Variants in SAMD12 observed in about 807,000 individuals in gnomAD.
The protein encoded by SAMD12 is sterile alpha motif domain-containing protein 12.
SAMD12 carries 9 observed loss-of-function variants against 15.0 expected under a neutral mutation model. The ratio of observed to expected loss-of-function variants is 0.60; its 90% confidence interval spans 0.36 to 1.05. The LOEUF (loss-of-function observed/expected upper bound fraction) is 1.05, where lower values mean the gene tolerates loss of function less well. Ranked by LOEUF, SAMD12 falls within the 50% of genes least tolerant of loss-of-function variation. SAMD12 has a pLI of 0.01. For missense variants in SAMD12, 230 were observed against 234.2 expected, an observed-to-expected ratio of 0.98 and a Z score of 0.12; for synonymous variants, 86 against 90.1, an observed-to-expected ratio of 0.96 and a Z score of 0.25.
chr8:118,580,042 A>C lies in SAMD12; in HGVS notation c.192+673T>G, dbSNP rs559844947. 1.8e-4 allele frequency among the ~76,000 whole-genome samples: 27 copies of C among 152,294 alleles called. No homozygotes were observed. The South Asian group carries it at 5.4e-3, about 30-fold the overall frequency. On this transcript the variant is annotated intron_variant, in intron 2 of 3. Coordinates refer to ENST00000314727, the MANE Select transcript of SAMD12 (RefSeq NM_207506.3). The stretch of plus-strand genomic sequence containing the variant: ...TGTCAGTTCTCTGTTACCTATGTTT[A>C]GGTTAAAGACTGAAAAGAACTAAGC...
rs1000995460 is a variant in SAMD12, at chr8:118,421,049, A to G, written c.322+18783T>C. ...GTCCTTTACAAAAAAAGTTTGCCTA[A>G]ACCCAGTTTAGAAGAATCCTCCTAA... On this transcript the variant is annotated intron_variant, in intron 3 of 3. Coordinates refer to ENST00000314727, the MANE Select transcript of SAMD12 (RefSeq NM_207506.3). 6.6e-5 allele frequency among the ~76,000 whole-genome samples: 10 copies of G among 152,230 alleles called. No individual in the cohort carries two copies. The East Asian group carries it at 1.9e-3, about 29-fold the overall frequency.
intron 2 of SAMD12, among the ~76,000 whole-genome samples, chr8:118,498,536 T>C (rs1824692001): frequency 1.3e-5 from 2 of 152,228 alleles, no homozygotes; most frequent in Admixed American, 1.3e-4. Flanking sequence ...ACTGCACCCC[T>C]TTCTTCTTCC....
chr8:118,167,065 C>G, the SAMD12 span, among the ~76,000 whole-genome samples: 3 of 152,136 alleles, frequency 2.0e-5, no homozygotes, highest in Admixed American at 6.5e-5. Context: ...AGTGGGTACT[C>G]TTCCCTGCCT....
intron 4 of SAMD12, among the ~76,000 whole-genome samples, chr8:118,329,184 C>T (rs1816699572): frequency 6.6e-6 from 1 of 152,120 alleles, no homozygotes; most frequent in Non-Finnish European, 1.5e-5. Context: ...GAACATGGTA[C>T]TCTGCAGAAA....
chr8:118,444,007 C>A (rs116811191), intron 2 of SAMD12, among the ~76,000 whole-genome samples: 1 of 152,194 alleles, frequency 6.6e-6, no homozygotes, highest in African/African-American at 2.4e-5. Flanking sequence ...TCGACCGCCT[C>A]GTCTCCTTTC....
At chr8:118,303,456 G>A (rs1009147639) in intron 4 of SAMD12, among the ~76,000 whole-genome samples, 2 of 152,166 alleles carry the variant, frequency 1.3e-5, no homozygotes, top group African/African-American at 4.8e-5. Context: ...CCGGAAGAAA[G>A]AACATGCAGC....
intron 4 of SAMD12, among the ~76,000 whole-genome samples, chr8:118,293,349 A>C (rs921581637): frequency 1.3e-5 from 2 of 152,258 alleles, no homozygotes; most frequent in African/African-American, 2.4e-5. Flanking sequence ...CTGATGATTC[A>C]TGATGACTGA....
At chr8:118,596,259 C>A (rs547054162) in intron 1 of SAMD12, among the ~76,000 whole-genome samples, 10 of 152,300 alleles carry the variant, frequency 6.6e-5, no homozygotes, top group African/African-American at 2.4e-4. Context: ...ACAGCCAATA[C>A]ACCTGCCAGG....
chr8:118,422,199 A>G (rs1014357235), intron 3 of SAMD12, among the ~76,000 whole-genome samples: 1 of 152,238 alleles, frequency 6.6e-6, no homozygotes, highest in African/African-American at 2.4e-5. Context: ...TTAAATGCCT[A>G]CTTTATGCCA....
intron 1 of SAMD12, among the ~76,000 whole-genome samples, chr8:118,608,421 C>T (rs1465553161): frequency 1.3e-5 from 2 of 152,064 alleles, no homozygotes; most frequent in African/African-American, 4.8e-5. Flanking sequence ...AGCAGTCATC[C>T]TTTTCTTACA....
At chr8:118,414,276 T>C (rs1343781591) in intron 3 of SAMD12, among the ~76,000 whole-genome samples, 1 of 152,224 alleles carries the variant, frequency 6.6e-6, no homozygotes, top group East Asian at 1.9e-4. Context: ...CCATAACAAG[T>C]GTTACTCTGC....
At chr8:118,184,781 G>A (rs1384976901), downstream of SAMD12, among the ~76,000 whole-genome samples, 3 of 152,140 alleles carry the variant, frequency 2.0e-5, no homozygotes, top group South Asian at 4.1e-4. Context: ...ACAGGCATGA[G>A]CCTGCTAAGC....
At position 118,219,136 on chromosome 8, in the gene SAMD12, G is replaced by A. The variant is rs536165433; in HGVS notation, c.434-21404C>T. ...TCACCTCACCTCACTCTTTTTTTAC[G>A]TTTGCCTGAACCTTGTAGGCATCTG... On this transcript the variant is annotated intron_variant, in intron 4 of 4. Coordinates refer to the SAMD12 transcript ENST00000409003. 8.5e-5 allele frequency among the ~76,000 whole-genome samples: 13 copies of A among 152,076 alleles called. No homozygotes were observed. In the East Asian group the frequency reaches 1.5e-3, roughly 18 times the overall value.
chr8:118,328,708 A>G (rs1816674375), intron 4 of SAMD12, among the ~76,000 whole-genome samples: 1 of 152,174 alleles, frequency 6.6e-6, no homozygotes, highest in Non-Finnish European at 1.5e-5. Flanking sequence ...TGCCCTTGAC[A>G]TCAACAGTGA....
At chr8:118,618,166 A>C (rs772389634) in intron 1 of SAMD12, among the ~76,000 whole-genome samples, 5 of 152,188 alleles carry the variant, frequency 3.3e-5, no homozygotes, top group Non-Finnish European at 7.3e-5. Context: ...GGTCACAAGC[A>C]GACTAGGAGA....
rs187527554 is a variant in SAMD12, at chr8:118,428,769, A to C, written c.322+11063T>G. ...CATATATGTGTGAGTATATTTATGG[A>C]ATTTCTATTTTGTTCTACTATTATA... On this transcript the variant is annotated intron_variant, in intron 3 of 3. Coordinates refer to ENST00000314727, the MANE Select transcript of SAMD12 (RefSeq NM_207506.3). 3.1e-3 allele frequency among the ~76,000 whole-genome samples: 470 copies of C among 152,166 alleles called. 1 individual carries two copies. The highest frequency in any genetic ancestry group is 0.011 in the African/African-American group (445 of 41,514).
intron 3 of SAMD12, among the ~76,000 whole-genome samples, chr8:118,423,393 G>A (rs531714601): frequency 3.3e-5 from 5 of 152,212 alleles, no homozygotes; most frequent in African/African-American, 4.8e-5. Context: ...CTCACAGGAC[G>A]TTATATTTTC....
chr8:118,511,549 T>A (rs1166584579), intron 2 of SAMD12, among the ~76,000 whole-genome samples: 1 of 152,176 alleles, frequency 6.6e-6, no homozygotes, highest in Non-Finnish European at 1.5e-5. Flanking sequence ...GCTGAACCTC[T>A]GCTGTCAGTT....
chr8:118,525,839 T>C (rs925441285), intron 2 of SAMD12, among the ~76,000 whole-genome samples: 3 of 152,220 alleles, frequency 2.0e-5, no homozygotes, highest in African/African-American at 7.2e-5. Flanking sequence ...TTTGCTTCTA[T>C]GTTTAAAGCA....
Sources: gnomAD v4.1 joint callset for allele counts (sites outside exome capture counted in the v4.1 genomes callset) on GRCh38, gnomAD v4.1.1 for gene constraint, MANE v1.5 for transcripts, NCBI Gene and HGNC (gene_info 2026-07-23, HGNC 2026-07-21) for gene names.